ATP2B2: variants seen among roughly 807,000 people sequenced by gnomAD.
The protein encoded by ATP2B2 is plasma membrane calcium-transporting ATPase 2.
ATP2B2 carries 15 observed loss-of-function variants against 120.0 expected under a neutral mutation model. The ratio of observed to expected loss-of-function variants is 0.12; its 90% CI spans 0.08 to 0.19. ATP2B2 has a LOEUF of 0.19. Ranked by LOEUF, ATP2B2 falls within the 10% of genes least tolerant of loss-of-function variation. ATP2B2 has a pLI of 1.00. For missense variants in ATP2B2, 1,045 were observed against 1,719.8 expected (o/e 0.61, Z 6.94); for synonymous variants, 694 against 700.3 (o/e 0.99, Z 0.14).
chr3:10,504,603 C>T (rs976585365), intron 1 of ATP2B2, among the ~76,000 whole-genome samples: 3 of 151,782 alleles, frequency 2.0e-5, no homozygotes, highest in Non-Finnish European at 2.9e-5. Flanking sequence ...GAGCAGAGGA[C>T]AGCCGTGGTG....
At chr3:10,385,391 G>A in intron 7 of ATP2B2, 64 bp from the exon 8 acceptor site, 9 of 1,421,656 alleles carry the variant, frequency 6.3e-6, no homozygotes, top group Non-Finnish European at 8.9e-6. Flanking sequence ...CAACGACAAA[G>A]ACATGAACCA....
chr3:10,594,777 G>A (rs1017562621), intron 2 of ATP2B2, among the ~76,000 whole-genome samples: 26 of 151,960 alleles, frequency 1.7e-4, no homozygotes, highest in African/African-American at 5.3e-4. Flanking sequence ...ATCTATATTT[G>A]TCTGGCATTT....
At chr3:10,380,045 A>G (rs532135086) in intron 8 of ATP2B2, among the ~76,000 whole-genome samples, 13 of 152,296 alleles carry the variant, frequency 8.5e-5, no homozygotes, top group Admixed American at 4.6e-4. Context: ...CTGGTCCCCA[A>G]TGGGGGTGCT....
chr3:10,393,585 T>C (rs981601585), intron 5 of ATP2B2, among the ~76,000 whole-genome samples: 1 of 152,080 alleles, frequency 6.6e-6, no homozygotes, highest in Admixed American at 6.5e-5. Context: ...TTTTCCACCT[T>C]GTGGACAAAG....
At chr3:10,475,921 A>G (rs1246774040) in intron 1 of ATP2B2, among the ~76,000 whole-genome samples, 1 of 152,176 alleles carries the variant, frequency 6.6e-6, no homozygotes, top group Non-Finnish European at 1.5e-5. Context: ...TTCTCTGGTT[A>G]GGGGGTCAGG....
chr3:10,435,211 C>T (rs2063441760), intron 2 of ATP2B2, among the ~76,000 whole-genome samples: 1 of 152,214 alleles, frequency 6.6e-6, no homozygotes, highest in African/African-American at 2.4e-5. Context: ...GGTCACCCCC[C>T]AACCGGACCA....
intron 2 of ATP2B2, among the ~76,000 whole-genome samples, chr3:10,573,522 G>C (rs1365627933): frequency 6.6e-6 from 1 of 152,122 alleles, no homozygotes; most frequent in African/African-American, 2.4e-5. Flanking sequence ...TCAAATTTTG[G>C]TCAATTTCAG....
At chr3:10,612,762 T>C (rs897946827) in intron 2 of ATP2B2, among the ~76,000 whole-genome samples, 2 of 152,190 alleles carry the variant, frequency 1.3e-5, no homozygotes, top group African/African-American at 4.8e-5. Context: ...ACCAAACCTA[T>C]TGCCCCCTCT....
At chr3:10,554,064 T>A (rs1408731292) in intron 2 of ATP2B2, among the ~76,000 whole-genome samples, 1 of 151,800 alleles carries the variant, frequency 6.6e-6, no homozygotes, top group African/African-American at 2.4e-5. Context: ...TAGGAAGGCA[T>A]GAGGGCCCGG....
intron 1 of ATP2B2, among the ~76,000 whole-genome samples, chr3:10,694,062 C>A (rs1559525098): frequency 6.6e-6 from 1 of 152,166 alleles, no homozygotes; most frequent in African/African-American, 2.4e-5. Context: ...CCCTAGCCTC[C>A]CCCAAAGTTA....
intron 2 of ATP2B2, among the ~76,000 whole-genome samples, chr3:10,559,380 G>C (rs1358578704): frequency 6.6e-6 from 1 of 152,206 alleles, no homozygotes; most frequent in Non-Finnish European, 1.5e-5. Flanking sequence ...ATCTGGAAGA[G>C]AGGATTTTGA....
intron 11 of ATP2B2, among the ~76,000 whole-genome samples, chr3:10,374,930 T>G (rs2061340981): frequency 6.6e-6 from 1 of 152,264 alleles, no homozygotes; most frequent in Non-Finnish European, 1.5e-5. Context: ...GGGAGCCACC[T>G]CTGTGATGAG....
intron 5 of ATP2B2, among the ~76,000 whole-genome samples, chr3:10,397,782 C>T (rs910775779): frequency 6.6e-6 from 1 of 152,168 alleles, no homozygotes; most frequent in African/African-American, 2.4e-5. Flanking sequence ...CACCCTCCAA[C>T]ATCCCCACCT....
At chr3:10,627,097 C>T (rs1352314042) in intron 1 of ATP2B2, among the ~76,000 whole-genome samples, 2 of 152,194 alleles carry the variant, frequency 1.3e-5, no homozygotes, top group Non-Finnish European at 2.9e-5. Context: ...CTAATTCTCA[C>T]CCTCCCAGCA....
chr3:10,676,659 T>C (rs144574045), intron 1 of ATP2B2, among the ~76,000 whole-genome samples: 8 of 152,286 alleles, frequency 5.3e-5, no homozygotes, highest in Non-Finnish European at 7.4e-5. Context: ...GAATGGCTCT[T>C]TGGTCCATCA....
At chr3:10,625,687 CTG>C (rs946942667) in intron 1 of ATP2B2, among the ~76,000 whole-genome samples, 104 of 152,268 alleles carry the variant, frequency 6.8e-4, no homozygotes, top group South Asian at 1.5e-3. Flanking sequence ...GGCTACCCCT[CTG>C]TGGTGGGAGT....
At chr3:10,517,342 C>T (rs920172465) in intron 3 of ATP2B2, among the ~76,000 whole-genome samples, 4 of 152,170 alleles carry the variant, frequency 2.6e-5, no homozygotes, top group Admixed American at 6.5e-5. Context: ...GGTGGTGGAG[C>T]ACCATAGACT....
intron 1 of ATP2B2, among the ~76,000 whole-genome samples, chr3:10,492,407 CA>C (rs1441662382): frequency 3.3e-5 from 5 of 152,318 alleles, no homozygotes; most frequent in Middle Eastern, 3.4e-3. Flanking sequence ...GAGCCACAAA[CA>C]ATGCGACAAA....
chr3:10,410,321 G>A (rs1012688410), intron 3 of ATP2B2, among the ~76,000 whole-genome samples: 1 of 152,164 alleles, frequency 6.6e-6, no homozygotes, highest in Non-Finnish European at 1.5e-5. Flanking sequence ...CTACCTCAGG[G>A]GGTTGTCAGG....
Sources: allele counts gnomAD v4.1 joint callset (sites outside exome capture counted in the v4.1 genomes callset), GRCh38; gene constraint gnomAD v4.1.1; transcripts MANE v1.5; gene names NCBI Gene and HGNC (gene_info 2026-07-23, HGNC 2026-07-21).